AGAP1: variants seen among roughly 807,000 people sequenced by gnomAD.
AGAP1 encodes the protein arf-GAP with GTPase, ANK repeat and PH domain-containing protein 1.
Under a neutral mutation model 105.3 loss-of-function variants are expected in AGAP1, and 29 were observed. The ratio of observed to expected loss-of-function variants is 0.28; its 90% CI spans 0.21 to 0.38. AGAP1 has a LOEUF of 0.38. Ranked by LOEUF, AGAP1 falls within the 10% of genes least tolerant of loss-of-function variation. The pLI is 1.00. For synonymous variants in AGAP1, 509 were observed against 485.9 expected, an observed-to-expected ratio of 1.05 and a Z score of -0.63; for missense variants, 998 against 1,165.1, an observed-to-expected ratio of 0.86 and a Z score of 2.09.
At chr2:235,897,443 G>A (rs2050859204) in intron 10 of AGAP1, among the ~76,000 whole-genome samples, 1 of 152,000 alleles carries the variant, frequency 6.6e-6, no homozygotes, top group African/African-American at 2.4e-5. Flanking sequence ...TAGTTAAAAT[G>A]AAAAAATAGA....
chr2:235,784,616 A>C (rs1029208255), intron 6 of AGAP1, among the ~76,000 whole-genome samples: 1 of 144,838 alleles, frequency 6.9e-6, no homozygotes. Context: ...AAAAAAAAAA[A>C]CCATGAAAAG....
At chr2:235,580,120 G>A (rs570058287) in intron 1 of AGAP1, among the ~76,000 whole-genome samples, 2 of 152,276 alleles carry the variant, frequency 1.3e-5, no homozygotes, top group East Asian at 1.9e-4. Context: ...TCATTGTATG[G>A]AGGGACCACA....
chr2:236,021,116 A>G (rs963180986), intron 13 of AGAP1, among the ~76,000 whole-genome samples: 1 of 151,520 alleles, frequency 6.6e-6, no homozygotes, highest in African/African-American at 2.4e-5. Context: ...CAGTGAGCCA[A>G]GATCGTGCCA....
intron 13 of AGAP1, among the ~76,000 whole-genome samples, chr2:236,007,414 G>A (rs2056358583): frequency 6.6e-6 from 1 of 152,202 alleles, no homozygotes; most frequent in Non-Finnish European, 1.5e-5. Context: ...AAAGATGGCA[G>A]ATCAAATACT....
At chr2:235,627,444 C>G (rs559860072) in intron 1 of AGAP1, among the ~76,000 whole-genome samples, 6 of 152,104 alleles carry the variant, frequency 3.9e-5, no homozygotes, top group Non-Finnish European at 5.9e-5. Flanking sequence ...CTGCTGGTCT[C>G]GAACTCCTGA....
In AGAP1 at chr2:235,549,500, C is replaced by T. The variant is rs1350493409; in HGVS notation, c.163+54651C>T. 1.3e-5 allele frequency among the ~76,000 whole-genome samples: 2 copies of T among 152,146 alleles called. No homozygotes were observed. The highest frequency in any genetic ancestry group is 4.8e-5 in the African/African-American group (2 of 41,422). ...TCGCTTCCAGCCTGTGCCTTTAGCCCAGCCTTGCTGTTCTAGATGGTGTTG... is the reference window on the plus strand; with the variant it reads ...TCGCTTCCAGCCTGTGCCTTTAGCCTAGCCTTGCTGTTCTAGATGGTGTTG... On this transcript the variant is annotated intron_variant, in intron 1 of 17. Transcript: ENST00000304032. The surrounding 1 kb of genome is among the most constrained non-coding windows in gnomAD (Gnocchi z 4.2).
In AGAP1 at chr2:236,119,706, C is replaced by T. The variant is rs1450656369; in HGVS notation, c.2115-486C>T. 2.0e-5 allele frequency among the ~76,000 whole-genome samples: 3 copies of T among 152,124 alleles called. No individual in the cohort carries two copies. Among genetic ancestry groups the T allele is most frequent in the Non-Finnish European group, 2.9e-5 (2 of 68,026 alleles). ...GGTCCGTGCTCTCGGCCCCGGAGACCGTGCTTCCATCGTGCTGGTCCCAGG... is the reference window on the plus strand; with the variant it reads ...GGTCCGTGCTCTCGGCCCCGGAGACTGTGCTTCCATCGTGCTGGTCCCAGG... On this transcript the variant is annotated intron_variant, in intron 16 of 17. Coordinates refer to ENST00000304032, the MANE Select transcript of AGAP1 (RefSeq NM_001037131.3). The surrounding 1 kb of genome is among the most constrained non-coding windows in gnomAD (Gnocchi z 6.6).
chr2:235,795,699 G>A (rs1453461377), intron 6 of AGAP1, among the ~76,000 whole-genome samples: 1 of 152,154 alleles, frequency 6.6e-6, no homozygotes, highest in East Asian at 1.9e-4. Context: ...ACTACTACCA[G>A]TTACCGGATG....
intron 12 of AGAP1, among the ~76,000 whole-genome samples, chr2:235,955,982 A>C (rs949588837): frequency 1.3e-5 from 2 of 152,228 alleles, no homozygotes; most frequent in Admixed American, 6.5e-5. Flanking sequence ...GAAACAGCTA[A>C]GTTTCTAAAG....
chr2:235,826,402 C>A (rs970367163), intron 9 of AGAP1, among the ~76,000 whole-genome samples: 1 of 152,176 alleles, frequency 6.6e-6, no homozygotes, highest in East Asian at 1.9e-4. Flanking sequence ...TTTCTACTTT[C>A]GTCTCCGTTG....
chr2:235,548,974 G>T (rs79101126), intron 1 of AGAP1, among the ~76,000 whole-genome samples: 1,561 of 152,316 alleles, frequency 0.01, 18 homozygotes, highest in African/African-American at 0.036. Context: ...CTGTACCCCT[G>T]CTCTGGAGCG....
intron 14 of AGAP1, among the ~76,000 whole-genome samples, chr2:236,037,708 TAACC>T (rs2057425132): frequency 6.6e-6 from 1 of 152,216 alleles, no homozygotes; most frequent in African/African-American, 2.4e-5. Context: ...ACGCCTGGCT[TAACC>T]TGTGTTCTCT....
At chr2:236,010,097 G>A (rs1489120241) in intron 13 of AGAP1, among the ~76,000 whole-genome samples, 1 of 149,234 alleles carries the variant, frequency 6.7e-6, no homozygotes, top group Non-Finnish European at 1.5e-5. Flanking sequence ...TAAGTTTTCA[G>A]GCATTCACAT....
At chr2:235,846,429 C>T (rs150804088) in intron 9 of AGAP1, among the ~76,000 whole-genome samples, 2,589 of 150,882 alleles carry the variant, frequency 0.017, 155 homozygotes, top group East Asian at 0.13. Flanking sequence ...CCAGTTCAAG[C>T]GATTATTCTG....
intron 1 of AGAP1, among the ~76,000 whole-genome samples, chr2:235,607,548 G>A (rs1237117303): frequency 1.3e-5 from 2 of 152,244 alleles, no homozygotes; most frequent in South Asian, 2.1e-4. Flanking sequence ...TCCACTGTCA[G>A]AGGATGGAGA....
Position 235,950,965 on chromosome 2 carries a change from A to G in AGAP1, c.1484-17497A>G, listed in dbSNP as rs372277696. Among the ~76,000 whole-genome samples, 4 of 148,266 alleles carry G rather than the reference A, an allele frequency of 2.7e-5. No homozygotes were observed. The South Asian group carries it at 6.3e-4, about 23-fold the overall frequency. ...AAGACACTAGTAAAAATAATATGAT[A>G]AAACTTTGGTGGTGCAAACAAAGTC... On this transcript the variant is annotated intron_variant, in intron 12 of 17. Transcript: ENST00000304032.
At chr2:235,823,165 T>C (rs1243287276) in intron 9 of AGAP1, among the ~76,000 whole-genome samples, 1 of 152,256 alleles carries the variant, frequency 6.6e-6, no homozygotes, top group Middle Eastern at 3.4e-3. Flanking sequence ...TGTGTACATA[T>C]GTAAATTTAT....
chr2:235,709,938 G>A (rs1054061080), intron 2 of AGAP1, among the ~76,000 whole-genome samples: 1 of 152,112 alleles, frequency 6.6e-6, no homozygotes, highest in Non-Finnish European at 1.5e-5. Context: ...ATGTATCTGT[G>A]TATGTATGTA....
chr2:235,766,727 CAA>C (rs965852709), intron 6 of AGAP1, among the ~76,000 whole-genome samples: 2 of 152,052 alleles, frequency 1.3e-5, no homozygotes, highest in Non-Finnish European at 2.9e-5. Context: ...AAAAGTTGGC[CAA>C]AGATACAAAG....
Sources: gnomAD v4.1 joint callset for allele counts (sites outside exome capture counted in the v4.1 genomes callset) on GRCh38, gnomAD v4.1.1 for gene constraint, Gnocchi (gnomAD v3.1) non-coding constraint, MANE v1.5 for transcripts, NCBI Gene and HGNC (gene_info 2026-07-23, HGNC 2026-07-21) for gene names.